The following ADK variants were observed in gnomAD, a reference collection of about 807,000 sequenced individuals.
ADK encodes N6,N6-dimethyladenosine kinase.
In ADK, 24 loss-of-function variants were observed where a neutral mutation model predicts 44.7. The ratio of observed to expected loss-of-function variants is 0.54; its 90% confidence interval spans 0.39 to 0.76. ADK has a LOEUF of 0.76. ADK is among the 30% of genes least tolerant of loss of function. ADK has a pLI of 0.00. For synonymous variants in ADK, 128 were observed against 142.6 expected, an observed-to-expected ratio of 0.90 and a Z score of 0.73; for missense variants, 321 against 425.1, an observed-to-expected ratio of 0.76 and a Z score of 2.15.
intron 9 of ADK, among the ~76,000 whole-genome samples, chr10:74,636,075 A>G (rs1395214952): frequency 6.6e-6 from 1 of 152,068 alleles, no homozygotes; most frequent in Non-Finnish European, 1.5e-5. Context: ...TTGGCAACAG[A>G]GTGAGACCCT....
chr10:74,665,820 G>C (rs1013475021), intron 9 of ADK, among the ~76,000 whole-genome samples: 6 of 151,108 alleles, frequency 4.0e-5, no homozygotes, highest in Non-Finnish European at 8.8e-5. Context: ...GGAAGGAAAA[G>C]GAAGAGAGAG....
rs370766667 is a variant in ADK, at chr10:74,315,784, C to T, written c.273+1039C>T. 1.8e-3 allele frequency among the ~76,000 whole-genome samples: 268 copies of T among 152,290 alleles called. 1 individual carries two copies. The highest frequency in any genetic ancestry group is 5.5e-3 in the African/African-American group (227 of 41,546). ...TATGATTATTCCACATACTTCCAAG[C>T]TCAGATTTAATCATAGTTTTCAAAT... On this transcript the variant is annotated intron_variant, in intron 4 of 10. Transcript: ENST00000539909.
At chr10:74,584,711 A>G (rs1851475226) in intron 7 of ADK, among the ~76,000 whole-genome samples, 1 of 152,166 alleles carries the variant, frequency 6.6e-6, no homozygotes, top group South Asian at 2.1e-4. Flanking sequence ...GCAATGACAC[A>G]CATGTACACA....
At chr10:74,239,007 C>T (rs1254155896) in intron 3 of ADK, among the ~76,000 whole-genome samples, 2 of 151,526 alleles carry the variant, frequency 1.3e-5, no homozygotes, top group African/African-American at 4.9e-5. Flanking sequence ...ATTACAGGGG[C>T]CAGCCACCAT....
At chr10:74,539,184 T>TTTTA (rs976119657) in intron 7 of ADK, among the ~76,000 whole-genome samples, 110 of 152,310 alleles carry the variant, frequency 7.2e-4, no homozygotes, top group Middle Eastern at 3.4e-3. Flanking sequence ...AGTCTAGTTC[T>TTTTA]TTTATTTATT....
At chr10:74,440,042 TAA>T (rs1315312004) in intron 6 of ADK, among the ~76,000 whole-genome samples, 1 of 152,064 alleles carries the variant, frequency 6.6e-6, no homozygotes, top group African/African-American at 2.4e-5. Flanking sequence ...TACATACAAA[TAA>T]TATATAATTC....
In ADK at chr10:74,633,308, A is replaced by C. The variant is rs754986467; in HGVS notation, c.877+32815A>C. On this transcript the variant is annotated intron_variant, in intron 9 of 10. Coordinates refer to ENST00000539909, the MANE Select transcript of ADK (RefSeq NM_006721.4). The stretch of plus-strand genomic sequence containing the variant: ...ATCTTAGAGATTGTTCCATTTTTTT[A>C]TAGCTGTATAATATTTCATTTTCTT... 3.9e-5 allele frequency among the ~76,000 whole-genome samples: 6 copies of C among 152,060 alleles called. No individual in the cohort carries two copies. The East Asian group carries it at 7.7e-4, about 20-fold the overall frequency.
chr10:74,525,664 AT>A (rs1444538158), intron 7 of ADK, among the ~76,000 whole-genome samples: 17 of 151,494 alleles, frequency 1.1e-4, no homozygotes, highest in Non-Finnish European at 2.9e-5. Flanking sequence ...TTATATTTTT[AT>A]TTTTTTGAGG....
chr10:74,224,704 A>G (rs1346935140), intron 3 of ADK, 113 bp downstream of exon 3: 7 of 823,468 alleles, frequency 8.5e-6, no homozygotes, highest in Admixed American at 8.0e-5. Context: ...TATAATTAAC[A>G]CTATGACCTT....
chr10:74,505,807 C>T (rs564765470), intron 6 of ADK, among the ~76,000 whole-genome samples: 2 of 152,192 alleles, frequency 1.3e-5, no homozygotes, highest in South Asian at 2.1e-4. Context: ...GTCCTTATGA[C>T]CCCCTAATCT....
At chr10:74,664,230 C>G (rs1382221251) in intron 9 of ADK, among the ~76,000 whole-genome samples, 1 of 151,984 alleles carries the variant, frequency 6.6e-6, no homozygotes, top group East Asian at 1.9e-4. Flanking sequence ...TCTCTGTTTA[C>G]CAATATAGAA....
chr10:74,517,357 A>C (rs371121201), intron 6 of ADK, among the ~76,000 whole-genome samples: 7 of 152,112 alleles, frequency 4.6e-5, no homozygotes, highest in African/African-American at 1.7e-4. Flanking sequence ...TTCTTCATTT[A>C]TAACATACCT....
At chr10:74,513,093 C>G (rs1848411645) in intron 6 of ADK, among the ~76,000 whole-genome samples, 1 of 152,000 alleles carries the variant, frequency 6.6e-6, no homozygotes, top group South Asian at 2.1e-4. Context: ...TTATAGATAT[C>G]TAAGTTTACG....
intron 1 of ADK, among the ~76,000 whole-genome samples, chr10:74,154,652 A>G (rs1841701616): frequency 6.6e-6 from 1 of 152,106 alleles, no homozygotes; most frequent in Non-Finnish European, 1.5e-5. Context: ...ATACCAAACT[A>G]AATTATCTGT....
chr10:74,253,301 T>C (rs1250442024), intron 3 of ADK, among the ~76,000 whole-genome samples: 1 of 152,182 alleles, frequency 6.6e-6, no homozygotes, highest in Non-Finnish European at 1.5e-5. Context: ...AACATGCAGA[T>C]TAAGGAGTGG....
chr10:74,612,190 G>A (rs974197451), intron 9 of ADK, among the ~76,000 whole-genome samples: 1 of 151,968 alleles, frequency 6.6e-6, no homozygotes, highest in Non-Finnish European at 1.5e-5. Flanking sequence ...TCTCATTGTG[G>A]TTTTAATTTG....
chr10:74,347,615 G>T (rs897729332), intron 4 of ADK, among the ~76,000 whole-genome samples: 6 of 152,050 alleles, frequency 3.9e-5, no homozygotes, highest in African/African-American at 1.4e-4. Flanking sequence ...GAGCCACGTG[G>T]TCTTGCTTAG....
intron 10 of ADK, among the ~76,000 whole-genome samples, chr10:74,674,782 T>G (rs1485625136): frequency 6.6e-6 from 1 of 152,180 alleles, no homozygotes. Context: ...CTTGGGTGGC[T>G]GAGGCAGGAG....
At chr10:74,298,193 TA>T (rs1839883603) in intron 3 of ADK, among the ~76,000 whole-genome samples, 1 of 152,156 alleles carries the variant, frequency 6.6e-6, no homozygotes, top group South Asian at 2.1e-4. Context: ...ATAATTCTCA[TA>T]AAAATTCAAA....
Sources: gnomAD v4.1 joint callset for allele counts (sites outside exome capture counted in the v4.1 genomes callset) on GRCh38, gnomAD v4.1.1 for gene constraint, MANE v1.5 for transcripts, NCBI Gene and HGNC (gene_info 2026-07-23, HGNC 2026-07-21) for gene names.